Variants in GSG1L observed in about 807,000 individuals in gnomAD.
GSG1L encodes the protein germ cell-specific gene 1-like protein.
In GSG1L, 24 loss-of-function variants were observed where a neutral mutation model predicts 42.1. That is an observed-to-expected ratio of 0.57 (90% CI 0.41 to 0.80). The LOEUF (loss-of-function observed/expected upper bound fraction) is 0.80, where lower values mean the gene tolerates loss of function less well. GSG1L is among the 30% of genes least tolerant of loss of function. GSG1L has a pLI of 0.00. For missense variants in GSG1L, 445 were observed against 472.2 expected, an observed-to-expected ratio of 0.94 and a Z score of 0.53; for synonymous variants, 215 against 203.5, an observed-to-expected ratio of 1.06 and a Z score of -0.48.
At chr16:27,893,532 C>T (rs115573497) in intron 2 of GSG1L, among the ~76,000 whole-genome samples, 1 of 152,282 alleles carries the variant, frequency 6.6e-6, no homozygotes, top group African/African-American at 2.4e-5. Context: ...TTAAGTATGA[C>T]TATTTCTTGC....
intron 2 of GSG1L, among the ~76,000 whole-genome samples, chr16:27,960,387 C>T (rs1214608004): frequency 1.3e-5 from 2 of 152,138 alleles, no homozygotes; most frequent in East Asian, 3.9e-4. Flanking sequence ...ACCTGGCACA[C>T]AGTAACTACC....
chr16:27,891,884 C>CTTTTTTTTTTTTTT (rs60746199), intron 2 of GSG1L, among the ~76,000 whole-genome samples: 1 of 74,332 alleles, frequency 1.3e-5, no homozygotes, highest in Non-Finnish European at 2.6e-5. Context: ...AGTGACAGAT[C>CTTTTTTTTTTTTTT]TTTTTTTTTT....
chr16:27,804,057 A>AGATAGATAGATAGAT (rs2082926655), intron 6 of GSG1L, among the ~76,000 whole-genome samples: 1 of 151,780 alleles, frequency 6.6e-6, no homozygotes, highest in African/African-American at 2.4e-5. Flanking sequence ...ATAGATAGAT[A>AGATAGATAGATAGAT]GATAGATAGA....
At chr16:27,980,099 G>T (rs1427881528) in intron 1 of GSG1L, among the ~76,000 whole-genome samples, 1 of 152,168 alleles carries the variant, frequency 6.6e-6, no homozygotes. Context: ...CTGAGCAGGT[G>T]GGGGGAACCT....
intron 1 of GSG1L, among the ~76,000 whole-genome samples, chr16:28,020,913 T>C (rs2085835115): frequency 6.6e-6 from 1 of 152,128 alleles, no homozygotes; most frequent in African/African-American, 2.4e-5. Flanking sequence ...GACTGCAGCT[T>C]CAACTCACAC....
intron 2 of GSG1L, among the ~76,000 whole-genome samples, chr16:27,891,721 C>T (rs2084128589): frequency 6.6e-6 from 1 of 151,998 alleles, no homozygotes; most frequent in African/African-American, 2.4e-5. Flanking sequence ...GATCCTCCTG[C>T]CTCAGCCTCC....
intron 2 of GSG1L, among the ~76,000 whole-genome samples, chr16:27,949,393 C>T (rs2084926090): frequency 6.6e-6 from 1 of 152,136 alleles, no homozygotes; most frequent in South Asian, 2.1e-4. Context: ...GTATGGCACA[C>T]GGCCGAAATT....
At chr16:28,019,416 G>T (rs1202522612) in intron 1 of GSG1L, among the ~76,000 whole-genome samples, 2 of 152,150 alleles carry the variant, frequency 1.3e-5, no homozygotes, top group African/African-American at 4.8e-5. Flanking sequence ...ACCCTATATG[G>T]TCTAAAAGGA....
At chr16:27,832,146 C>A (rs1196768985) in intron 4 of GSG1L, among the ~76,000 whole-genome samples, 1 of 152,112 alleles carries the variant, frequency 6.6e-6, no homozygotes, top group African/African-American at 2.4e-5. Flanking sequence ...TTTATTTACT[C>A]TTGTTTTTCA....
intron 1 of GSG1L, among the ~76,000 whole-genome samples, chr16:27,988,509 T>G (rs1440720270): frequency 6.6e-6 from 1 of 151,880 alleles, no homozygotes. Context: ...AAAGTTGAGG[T>G]AAGAAAAAAG....
At chr16:27,838,019 C>T (rs1333938990) in intron 4 of GSG1L, among the ~76,000 whole-genome samples, 1 of 152,140 alleles carries the variant, frequency 6.6e-6, no homozygotes, top group Non-Finnish European at 1.5e-5. Context: ...TCTGTTTTAT[C>T]TTTAGGTCCA....
At chr16:27,817,076 T>A (rs920108157) in intron 5 of GSG1L, among the ~76,000 whole-genome samples, 1 of 152,186 alleles carries the variant, frequency 6.6e-6, no homozygotes, top group African/African-American at 2.4e-5. Context: ...GTGATGGAGC[T>A]GGGAGACTCT....
At chr16:27,931,553 C>T (rs984772176) in intron 2 of GSG1L, among the ~76,000 whole-genome samples, 3 of 152,216 alleles carry the variant, frequency 2.0e-5, no homozygotes, top group Admixed American at 2.0e-4. Flanking sequence ...ATTAGATAGG[C>T]AAACAGTAGA....
chr16:28,008,928 C>G (rs2085677925), intron 1 of GSG1L, among the ~76,000 whole-genome samples: 1 of 152,192 alleles, frequency 6.6e-6, no homozygotes, highest in Non-Finnish European at 1.5e-5. Context: ...CCTGCCTCAG[C>G]CTCCAGAGTA....
chr16:27,855,021 C>T (rs981552693), intron 3 of GSG1L, among the ~76,000 whole-genome samples: 8 of 152,210 alleles, frequency 5.3e-5, no homozygotes, highest in South Asian at 4.2e-4. Context: ...ATGATCATAC[C>T]ACTACACTCC....
At chr16:27,931,519 G>C (rs1596622299) in intron 2 of GSG1L, among the ~76,000 whole-genome samples, 1 of 152,256 alleles carries the variant, frequency 6.6e-6, no homozygotes, top group African/African-American at 2.4e-5. Flanking sequence ...GAGGCAATGA[G>C]ATGTCGTTTT....
chr16:27,833,936 C>T (rs1351161011), intron 4 of GSG1L, among the ~76,000 whole-genome samples: 1 of 151,924 alleles, frequency 6.6e-6, no homozygotes, highest in Non-Finnish European at 1.5e-5. Context: ...ATTTTCTTTT[C>T]ATGTCTTATG....
chr16:27,965,304 T>G (rs541551047), intron 1 of GSG1L, among the ~76,000 whole-genome samples: 1 of 152,234 alleles, frequency 6.6e-6, no homozygotes, highest in African/African-American at 2.4e-5. Flanking sequence ...CATGAGCCAC[T>G]GCACCCAGCC....
At chr16:27,891,884 CTTTTTTTT>C (rs60746199) in intron 2 of GSG1L, among the ~76,000 whole-genome samples, 2,298 of 74,398 alleles carry the variant, frequency 0.031, 91 homozygotes, top group Middle Eastern at 0.13. Flanking sequence ...AGTGACAGAT[CTTTTTTTT>C]TTTTTTTTTT....
Sources: allele counts gnomAD v4.1 joint callset (sites outside exome capture counted in the v4.1 genomes callset), GRCh38; gene constraint gnomAD v4.1.1; transcripts MANE v1.5; gene names NCBI Gene and HGNC (gene_info 2026-07-23, HGNC 2026-07-21).